Variants in CXCR2 observed in about 807,000 individuals in gnomAD.
CXCR2 encodes the protein C-X-C motif chemokine receptor 2, also known as C-X-C chemokine receptor type 2.
A neutral mutation model predicts 3.7 loss-of-function variants in CXCR2; 2 were observed. The observed-to-expected ratio is 0.55, with a 90% CI of 0.22 to 1.72. The LOEUF (loss-of-function observed/expected upper bound fraction) is 1.72. Ranked by LOEUF, CXCR2 falls within the 40% of genes most tolerant of loss-of-function variation. CXCR2 has a pLI of 0.19. For synonymous variants in CXCR2, 203 were observed against 193.3 expected, an observed-to-expected ratio of 1.05 and a Z score of -0.41; for missense variants, 351 against 450.1, an observed-to-expected ratio of 0.78 and a Z score of 1.99.
Position 218,136,620 on chromosome 2 carries a change from C to A in CXCR2, c.*736C>A, listed in dbSNP as rs1690816382. On this transcript the variant is annotated 3_prime_UTR_variant, in exon 3 of 3. Coordinates refer to ENST00000318507, the MANE Select transcript of CXCR2 (RefSeq NM_001557.4). ...AAGAAATGAAAGCAGGGACTTGAAC[C>A]CATATTTGTACACCAATATTCATAG... is the stretch of plus-strand genomic sequence containing the variant. 2 of 166,932 alleles carry A rather than the reference C, an allele frequency of 1.2e-5. No individual in the cohort carries two copies. The highest frequency in any genetic ancestry group is 1.3e-4 in the Admixed American group (2 of 15,278). The allele number at this position is 166,932 out of a possible 1,614,324, so 10.3% of individuals were successfully genotyped here.
intron 1 of CXCR2, among the ~76,000 whole-genome samples, chr2:218,127,286 C>T (rs1690534488): frequency 6.6e-6 from 1 of 152,118 alleles, no homozygotes. Flanking sequence ...GCTGCCACGC[C>T]TGGCTAATTT....
Position 218,135,176 on chromosome 2 carries a change from G to T in CXCR2, c.375G>T (p.Leu125=). The change falls in exon 3 of 3, where the codon CTG becomes CTT. Residue 125 remains leucine (L), a synonymous_variant. Transcript: ENST00000318507. This position sits in a 1 kb window ranked among gnomAD's most constrained non-coding sequence, Gnocchi z 4.0. ...TCCTGTGCAAGGTGGTCTCACTCCT[G>T]AAGGAAGTCAACTTCTATAGTGGCA... The part of the protein sequence containing the change: ...GTFLCKVVSL[L]KEVNFYSGIL... The T allele has an allele frequency of 1.2e-6, 2 of 1,614,236 alleles. No individual in the cohort carries two copies. The highest frequency in any genetic ancestry group is 1.7e-6 in the Non-Finnish European group (2 of 1,180,046).
chr2:218,126,437 T>A (rs976437237), intron 1 of CXCR2, 84 bp downstream of exon 1: 1 of 152,288 alleles, frequency 6.6e-6, no homozygotes, highest in Non-Finnish European at 1.5e-5. Flanking sequence ...CTGAGGCCCC[T>A]GAGAACTGGG....
chr2:218,136,159 A>ACCACCG lies in CXCR2; in HGVS notation c.*275_*276insCCACCG. ...ATGGCACTCTATGTTCTAAGAAGTG[A>ACCACCG]AAATCTACACTCCAGTGAGACAGCT... On this transcript the variant is annotated 3_prime_UTR_variant, in exon 3 of 3. Transcript: ENST00000318507. The ACCACCG allele has an allele frequency of 3.1e-4, 116 of 371,418 alleles. No homozygotes were observed. Among genetic ancestry groups the ACCACCG allele is most frequent in the South Asian group, 2.2e-3 (29 of 12,906 alleles). The allele number at this position is 371,418 out of a possible 1,614,324, so 23.0% of individuals were successfully genotyped here. A position where few individuals can be genotyped will look rare whatever the true frequency, so the allele number is the denominator to read the frequency against.
intron 2 of CXCR2, 141 bp from the exon 3 acceptor site, chr2:218,134,636 C>G (rs1426152037): frequency 5.5e-6 from 4 of 724,182 alleles, no homozygotes; most frequent in African/African-American, 1.8e-5. Context: ...AACCTAAGAG[C>G]TACCACTTAC....
At chr2:218,131,857 G>A (rs1690656018) in intron 2 of CXCR2, among the ~76,000 whole-genome samples, 1 of 151,490 alleles carries the variant, frequency 6.6e-6, no homozygotes, top group Admixed American at 6.6e-5. Flanking sequence ...AATGTATCTG[G>A]CCCCTAACTC....
rs186640530 is a variant in CXCR2 at position 218,135,667 on chromosome 2, G to A, written c.866G>A (p.Arg289His). ...TQVIQETCER[R>H]NHIDRALDAT... Reference sequence around the variant, plus strand: ...GTGATCCAGGAGACCTGTGAGCGCCGCAATCACATCGACCGGGCTCTGGAT... The same window carrying A: ...GTGATCCAGGAGACCTGTGAGCGCCACAATCACATCGACCGGGCTCTGGAT... The change falls in exon 3 of 3, where the codon CGC becomes CAC. Residue 289 changes from arginine to histidine, a missense_variant. By Grantham distance (29) the Arg-to-His change is conservative (BLOSUM62 0). Transcript: ENST00000318507. The surrounding 1 kb of genome is among the most constrained non-coding windows in gnomAD (Gnocchi z 4.0). 115 of 1,614,020 alleles carry A rather than the reference G, an allele frequency of 7.1e-5. 1 individual carries two copies. The highest frequency in any genetic ancestry group is 2.3e-4 in the African/African-American group (17 of 74,990).
At position 218,135,326 on chromosome 2, in the gene CXCR2, C is replaced by T. The variant is rs893655767; in HGVS notation, c.525C>T (p.Leu175=). 2 of 1,614,078 alleles carry T rather than the reference C, an allele frequency of 1.2e-6. No individual in the cohort carries two copies. The highest frequency in any genetic ancestry group is 1.7e-5 in the Admixed American group (1 of 60,004). The part of the protein sequence containing the change: ...ICLSIWGLSL[L]LALPVLLFRR... ...TCAGCATCTGGGGTCTGTCCTTGCT[C>T]CTGGCCCTGCCTGTCTTACTTTTCC... The change falls in exon 3 of 3, where the codon CTC becomes CTT. Residue 175 remains leucine (L), a synonymous_variant. Transcript: ENST00000318507. This position sits in a 1 kb window ranked among gnomAD's most constrained non-coding sequence, Gnocchi z 4.0.
chr2:218,133,973 T>C (rs1265271713), intron 2 of CXCR2, among the ~76,000 whole-genome samples: 5 of 152,186 alleles, frequency 3.3e-5, no homozygotes, highest in Non-Finnish European at 5.9e-5. Context: ...TTTAATATAC[T>C]TTTCCAAACT....
Position 218,134,390 on chromosome 2 carries a change from G to A in CXCR2, c.-25-387G>A, listed in dbSNP as rs184967000. 1.4e-3 allele frequency among the ~76,000 whole-genome samples: 212 copies of A among 152,202 alleles called. 1 individual carries two copies. The highest frequency in any genetic ancestry group is 2.4e-3 in the Admixed American group (37 of 15,288). On this transcript the variant is annotated intron_variant, in intron 2 of 2. Transcript: ENST00000318507. ...TCTAAGACAAAAAAAAAAGAACTGAGTGACATCTCACATCTCACATTTCTG... is the reference window on the plus strand; with the variant it reads ...TCTAAGACAAAAAAAAAAGAACTGAATGACATCTCACATCTCACATTTCTG...
Position 218,135,989 on chromosome 2 carries a change from C to A in CXCR2, c.*105C>A. ...CTTCTTGGTCTCAGTGTCAATGCAG[C>A]CCCCATTGTGGTCACAGGAAGTAGA... On this transcript the variant is annotated 3_prime_UTR_variant, in exon 3 of 3. Coordinates refer to ENST00000318507, the MANE Select transcript of CXCR2 (RefSeq NM_001557.4). The surrounding 1 kb of genome is among the most constrained non-coding windows in gnomAD (Gnocchi z 4.0). 7.0e-7 allele frequency: 1 copy of A among 1,429,386 alleles called. No individual in the cohort carries two copies. 88.5% of individuals were successfully genotyped at this position (1,429,386 alleles called of 1,614,324 possible). A position where few individuals can be genotyped will look rare whatever the true frequency, so the allele number is the denominator to read the frequency against.
intron 2 of CXCR2, among the ~76,000 whole-genome samples, chr2:218,130,652 C>T (rs1447323271): frequency 1.3e-5 from 2 of 152,064 alleles, no homozygotes; most frequent in Non-Finnish European, 2.9e-5. Context: ...AGAAACAGGG[C>T]CTAATTGTAT....
intron 2 of CXCR2, among the ~76,000 whole-genome samples, chr2:218,133,399 A>T (rs1163241880): frequency 6.8e-6 from 1 of 147,690 alleles, no homozygotes. Context: ...TCCTGGGTTC[A>T]AGCAATTCTT....
rs1690507117 is a variant in CXCR2, at chr2:218,126,301, C to T, written c.-130C>T. The T allele has an allele frequency of 6.6e-6, 1 of 152,318 alleles. No homozygotes were observed. Among genetic ancestry groups the T allele is most frequent in the African/African-American group, 2.4e-5 (1 of 41,424 alleles). 9.4% of individuals were successfully genotyped at this position (152,318 alleles called of 1,614,324 possible). ...TTTCCTGTCTAACAGCTCTGACTACCACCCAACCTTGAGGCACAGTGAAGA... is the reference window on the plus strand; with the variant it reads ...TTTCCTGTCTAACAGCTCTGACTACTACCCAACCTTGAGGCACAGTGAAGA... On this transcript the variant is annotated 5_prime_UTR_variant, in exon 1 of 3. Coordinates refer to ENST00000318507, the MANE Select transcript of CXCR2 (RefSeq NM_001557.4).
At position 218,135,100 on chromosome 2, in the gene CXCR2, C is replaced by A; in HGVS notation, c.299C>A (p.Thr100Asn). 6.2e-7 allele frequency: 1 copy of A among 1,614,226 alleles called. No homozygotes were observed. Among genetic ancestry groups the A allele is most frequent in the Non-Finnish European group, 8.5e-7 (1 of 1,180,050 alleles). ...TTGGCCGACCTACTCTTTGCCCTGACCTTGCCCATCTGGGCCGCCTCCAAG... is the reference window on the plus strand; with the variant it reads ...TTGGCCGACCTACTCTTTGCCCTGAACTTGCCCATCTGGGCCGCCTCCAAG... The part of the protein sequence containing the change: ...LALADLLFAL[T>N]LPIWAASKVN... The change falls in exon 3 of 3, where the codon ACC (threonine) becomes AAC (asparagine). Residue 100 changes from threonine (T) to asparagine (N), a missense_variant. By Grantham distance (65) the Thr-to-Asn change is moderately conservative. Transcript: ENST00000318507. The surrounding 1 kb of genome is among the most constrained non-coding windows in gnomAD (Gnocchi z 4.0).
At chr2:218,128,415 G>A (rs1049157507) in intron 1 of CXCR2, among the ~76,000 whole-genome samples, 2 of 152,218 alleles carry the variant, frequency 1.3e-5, no homozygotes, top group Admixed American at 6.5e-5. Context: ...GATGCATGGA[G>A]CAAGAGATAG....
rs1273183086 is a variant in CXCR2 at position 218,135,424 on chromosome 2, G to A, written c.623G>A (p.Arg208Gln). Residue 208 changes from arginine (R) to glutamine (Q), a missense_variant, in exon 3 of 3, where the codon CGG becomes CAG. Coordinates refer to ENST00000318507, the MANE Select transcript of CXCR2 (RefSeq NM_001557.4). The surrounding 1 kb of genome is among the most constrained non-coding windows in gnomAD (Gnocchi z 4.0). ...ATGGGCAACAATACAGCAAACTGGCGGATGCTGTTACGGATCCTGCCCCAG... is the reference window on the plus strand; with the variant it reads ...ATGGGCAACAATACAGCAAACTGGCAGATGCTGTTACGGATCCTGCCCCAG... Reference protein sequence around the residue: ...EDMGNNTANWRMLLRILPQSF... With the variant: ...EDMGNNTANWQMLLRILPQSF... 16 of 1,614,046 alleles carry A rather than the reference G, an allele frequency of 9.9e-6. No individual in the cohort carries two copies. The highest frequency in any genetic ancestry group is 1.4e-5 in the Non-Finnish European group (16 of 1,180,028).
At chr2:218,127,166 G>T (rs536034138) in intron 1 of CXCR2, among the ~76,000 whole-genome samples, 1 of 152,140 alleles carries the variant, frequency 6.6e-6, no homozygotes, top group Non-Finnish European at 1.5e-5. Flanking sequence ...TTGCTCTGTC[G>T]CCCAGGCTGG....
chr2:218,128,402 T>TGTGCACATGCACA (rs1366593527), intron 1 of CXCR2, among the ~76,000 whole-genome samples: 1 of 152,124 alleles, frequency 6.6e-6, no homozygotes, highest in African/African-American at 2.4e-5. Flanking sequence ...CTCTGGGCCC[T>TGTGCACATGCACA]GGGATGCATG....
Sources: allele counts gnomAD v4.1 joint callset (sites outside exome capture counted in the v4.1 genomes callset), GRCh38; gene constraint gnomAD v4.1.1; non-coding constraint Gnocchi (gnomAD v3.1); transcripts MANE v1.5; gene names NCBI Gene and HGNC (gene_info 2026-07-23, HGNC 2026-07-21).